Variants in MAML3 observed in about 807,000 individuals in gnomAD.
The protein encoded by MAML3 is mastermind like transcriptional coactivator 3.
Under a neutral mutation model 101.9 loss-of-function variants are expected in MAML3, and 27 were observed. The ratio of observed to expected loss-of-function variants is 0.27; its 90% CI spans 0.20 to 0.37. The LOEUF is 0.37. Among genes scored for constraint, MAML3 ranks in the 10% least tolerant of loss-of-function variants. The pLI, the probability that MAML3 is intolerant of heterozygous loss-of-function variation, is 1.00. For missense variants in MAML3, 1,316 were observed against 1,444.9 expected, an observed-to-expected ratio of 0.91 and a Z score of 1.45; for synonymous variants, 501 against 555.9, an observed-to-expected ratio of 0.90 and a Z score of 1.39.
At chr4:139,782,121 T>TA (rs773442798) in intron 2 of MAML3, among the ~76,000 whole-genome samples, 3 of 152,192 alleles carry the variant, frequency 2.0e-5, no homozygotes, top group African/African-American at 7.2e-5. Flanking sequence ...AATCAGTTTT[T>TA]AAAAAAATCA....
intron 1 of MAML3, 45 bp from the exon 2 acceptor site, chr4:139,891,012 A>G (rs375663309): frequency 4.5e-6 from 7 of 1,572,076 alleles, no homozygotes; most frequent in Non-Finnish European, 6.0e-6. Context: ...TCCAAGTCAT[A>G]TTTTACTCTT....
chr4:140,103,522 A>G (rs1728285469), intron 1 of MAML3, among the ~76,000 whole-genome samples: 1 of 152,216 alleles, frequency 6.6e-6, no homozygotes, highest in Non-Finnish European at 1.5e-5. Flanking sequence ...TGTGCTTCTG[A>G]GAAAGGGCTG....
At position 139,830,501 on chromosome 4, in the gene MAML3, G is replaced by A. The variant is rs570864001; in HGVS notation, c.2079+58856C>T. On this transcript the variant is annotated intron_variant, in intron 2 of 4. Transcript: ENST00000509479. ...GCGATCTCGGCTCACTGCAAGCGCC[G>A]CCTCCCGGGTTCCCGCCATTCTCCT... Among the ~76,000 whole-genome samples, 423 of 142,072 alleles carry A rather than the reference G, an allele frequency of 3.0e-3. 3 individuals are homozygous for A. Among genetic ancestry groups the A allele is most frequent in the Admixed American group, 4.8e-3 (65 of 13,466 alleles). 93.2% of individuals were successfully genotyped at this position (142,072 alleles called of 152,430 possible).
chr4:140,122,220 CT>C (rs369602172), intron 1 of MAML3, among the ~76,000 whole-genome samples: 2 of 124,592 alleles, frequency 1.6e-5, no homozygotes, highest in African/African-American at 6.1e-5. Flanking sequence ...TCAAACGAGA[CT>C]TTTTTTTTTT....
At chr4:139,935,727 AT>A (rs1338661592) in intron 1 of MAML3, among the ~76,000 whole-genome samples, 5 of 151,070 alleles carry the variant, frequency 3.3e-5, no homozygotes, top group Non-Finnish European at 5.9e-5. Flanking sequence ...CTTTCTGCTA[AT>A]TTTTTCCAGC....
chr4:140,146,039 A>G (rs1729058064), intron 1 of MAML3, among the ~76,000 whole-genome samples: 1 of 150,910 alleles, frequency 6.6e-6, no homozygotes, highest in Admixed American at 6.6e-5. Context: ...ATCCCCAGCT[A>G]ATTTTTGTAT....
At chr4:140,113,553 G>A (rs995988920) in intron 1 of MAML3, among the ~76,000 whole-genome samples, 12 of 152,108 alleles carry the variant, frequency 7.9e-5, no homozygotes, top group Non-Finnish European at 1.8e-4. Context: ...GATCTTCCAG[G>A]TTCTATTCCA....
intron 2 of MAML3, among the ~76,000 whole-genome samples, chr4:139,819,157 G>A (rs1288242606): frequency 6.6e-6 from 1 of 152,166 alleles, no homozygotes; most frequent in East Asian, 1.9e-4. Flanking sequence ...TGGCTGAAGT[G>A]GTATTTGATT....
intron 1 of MAML3, among the ~76,000 whole-genome samples, chr4:139,925,312 C>T (rs1445385070): frequency 6.6e-6 from 1 of 152,196 alleles, no homozygotes; most frequent in Admixed American, 6.5e-5. Flanking sequence ...TCACTGCAAC[C>T]TTTGCCTCCT....
rs1226679637 is a variant in MAML3 at position 140,153,161 on chromosome 4, C to A, written c.167G>T (p.Gly56Val). 2.6e-5 allele frequency: 40 copies of A among 1,550,814 alleles called. No individual in the cohort carries two copies. The highest frequency in any genetic ancestry group is 3.3e-5 in the Non-Finnish European group (38 of 1,147,052). Residue 56 changes from glycine (G) to valine (V), a missense_variant, in exon 1 of 5, where the codon GGC (glycine) becomes GTC (valine). Transcript: ENST00000509479. ...CGAACCGCCGCCGGGGCCCCCGGAG[C>A]CGCCGCATCCACCGGCTGCCGGGTG... ...SNHPAAGGCGGSGGPGGGSAA... is the reference protein window; with the variant it reads ...SNHPAAGGCGVSGGPGGGSAA...
intron 1 of MAML3, among the ~76,000 whole-genome samples, chr4:140,139,014 G>A (rs569278545): frequency 2.0e-5 from 3 of 152,176 alleles, no homozygotes; most frequent in African/African-American, 4.8e-5. Context: ...GCTCATGCCT[G>A]TAATTCCAAC....
intron 2 of MAML3, among the ~76,000 whole-genome samples, chr4:139,793,268 G>A (rs982086381): frequency 6.6e-6 from 1 of 152,096 alleles, no homozygotes; most frequent in East Asian, 1.9e-4. Context: ...TCAGAGACCT[G>A]AACACTCAGT....
At chr4:139,816,120 C>T (rs1730889122) in intron 2 of MAML3, among the ~76,000 whole-genome samples, 1 of 152,078 alleles carries the variant, frequency 6.6e-6, no homozygotes, top group Admixed American at 6.6e-5. Flanking sequence ...ATGTTGATTG[C>T]ATTGTTACTA....
intron 1 of MAML3, among the ~76,000 whole-genome samples, chr4:140,068,823 A>C (rs1727581922): frequency 6.6e-6 from 1 of 152,218 alleles, no homozygotes; most frequent in Non-Finnish European, 1.5e-5. Flanking sequence ...GAAGAGTCTT[A>C]GGCCACTCTC....
At chr4:139,880,323 C>T (rs2111186759) in intron 2 of MAML3, among the ~76,000 whole-genome samples, 1 of 152,154 alleles carries the variant, frequency 6.6e-6, no homozygotes, top group South Asian at 2.1e-4. Context: ...CCAGGATGTA[C>T]ACGGAAATGA....
At chr4:140,093,679 C>T (rs1294805632) in intron 1 of MAML3, among the ~76,000 whole-genome samples, 2 of 152,076 alleles carry the variant, frequency 1.3e-5, no homozygotes, top group Non-Finnish European at 2.9e-5. Context: ...CCGCCCGTCT[C>T]GGCCGCCCAA....
At chr4:140,056,810 CAA>C (rs559141021) in intron 1 of MAML3, among the ~76,000 whole-genome samples, 4 of 127,384 alleles carry the variant, frequency 3.1e-5, no homozygotes, top group Non-Finnish European at 3.3e-5. Flanking sequence ...GACTCTGTCT[CAA>C]AAAAAAAAAA....
At chr4:140,088,240 G>A (rs1727990255) in intron 1 of MAML3, among the ~76,000 whole-genome samples, 1 of 151,894 alleles carries the variant, frequency 6.6e-6, no homozygotes, top group South Asian at 2.1e-4. Flanking sequence ...GGACGGGAGG[G>A]AGGGAAAGAA....
In MAML3 at chr4:139,967,955, CCT is replaced by C. The variant is rs1734166535; in HGVS notation, c.469-76990_469-76989del. On this transcript the variant is annotated intron_variant, in intron 1 of 4. Transcript: ENST00000509479. ...CTCAAGAATCTGTGAAAAGTGAGACCCTGTCTCAAAAAAAAAAAAAAAAAAGA... is the reference window on the plus strand; with the variant it reads ...CTCAAGAATCTGTGAAAAGTGAGACCGTCTCAAAAAAAAAAAAAAAAAAGA... Among the ~76,000 whole-genome samples the C allele has an allele frequency of 3.6e-5, 5 of 139,186 alleles. No individual in the cohort carries two copies. In the Admixed American group the frequency reaches 3.9e-4, roughly 11 times the overall value. 91.3% of individuals were successfully genotyped at this position (139,186 alleles called of 152,430 possible). A position where few individuals can be genotyped will look rare whatever the true frequency, so the allele number is the denominator to read the frequency against.
Sources: gnomAD v4.1 joint callset for allele counts (sites outside exome capture counted in the v4.1 genomes callset) on GRCh38, gnomAD v4.1.1 for gene constraint, MANE v1.5 for transcripts, NCBI Gene and HGNC (gene_info 2026-07-23, HGNC 2026-07-21) for gene names.